Variants in PDZD2 observed in about 807,000 individuals in gnomAD.
The protein encoded by PDZD2 is PDZ domain-containing protein 2.
In PDZD2, 90 loss-of-function variants were observed where a neutral mutation model predicts 220.7. That is an observed-to-expected ratio of 0.41 (90% CI 0.34 to 0.49). PDZD2 has a LOEUF of 0.49. PDZD2 is among the 20% of genes least tolerant of loss of function. PDZD2 has a pLI of 0.28. For synonymous variants in PDZD2, 1,375 were observed against 1,450.5 expected, an observed-to-expected ratio of 0.95 and a Z score of 1.18; for missense variants, 3,174 against 3,608.5, an observed-to-expected ratio of 0.88 and a Z score of 3.08.
At chr5:31,906,461 C>G (rs1327284032) in intron 2 of PDZD2, among the ~76,000 whole-genome samples, 1 of 151,818 alleles carries the variant, frequency 6.6e-6, no homozygotes, top group Non-Finnish European at 1.5e-5. Context: ...CAGCCCGTCT[C>G]AGCCTCCCAT....
chr5:31,666,513 A>G (rs1745993026), intron 1 of PDZD2, among the ~76,000 whole-genome samples: 1 of 152,230 alleles, frequency 6.6e-6, no homozygotes, highest in African/African-American at 2.4e-5. Context: ...CTGCATTTAC[A>G]AGGCGATGGT....
intron 1 of PDZD2, among the ~76,000 whole-genome samples, chr5:31,796,769 T>C (rs1012330308): frequency 3.9e-5 from 6 of 152,204 alleles, no homozygotes; most frequent in Admixed American, 2.0e-4. Flanking sequence ...AAGGACTTGA[T>C]AAATGTTCGA....
At chr5:31,915,601 T>C (rs1270570526) in intron 2 of PDZD2, among the ~76,000 whole-genome samples, 1 of 152,168 alleles carries the variant, frequency 6.6e-6, no homozygotes, top group East Asian at 1.9e-4. Context: ...TTGCTCTATA[T>C]ACAGGCCAGA....
intron 1 of PDZD2, among the ~76,000 whole-genome samples, chr5:31,723,583 G>C (rs1161283896): frequency 1.3e-5 from 2 of 151,920 alleles, no homozygotes; most frequent in African/African-American, 4.8e-5. Context: ...TGAGAGTGTT[G>C]TCTTTCAACT....
intron 1 of PDZD2, among the ~76,000 whole-genome samples, chr5:31,667,024 C>A (rs186269761): frequency 3.9e-5 from 6 of 152,096 alleles, no homozygotes; most frequent in African/African-American, 9.6e-5. Flanking sequence ...ATCACGAGGT[C>A]AGGAGATCGA....
chr5:31,983,146 C>A lies in PDZD2; in HGVS notation c.477-9C>A. ...GGGGTTCTAACTGGCACCTCTCTGT[C>A]TGTTGCAGTTACCTGGCTGAGCAGT... is the stretch of plus-strand genomic sequence containing the variant. On this transcript the variant is annotated splice_polypyrimidine_tract_variant and intron_variant, in intron 2 of 24. Transcript: ENST00000438447. The A allele has an allele frequency of 6.2e-7, 1 of 1,608,414 alleles. No homozygotes were observed. Among genetic ancestry groups the A allele is most frequent in the East Asian group, 2.2e-5 (1 of 44,820 alleles).
intron 5 of PDZD2, among the ~76,000 whole-genome samples, chr5:32,008,136 A>AAATAAAT: frequency 6.9e-6 from 1 of 143,904 alleles, no homozygotes; most frequent in Non-Finnish European, 1.5e-5. Flanking sequence ...TAAAATAATA[A>AAATAAAT]AAATAAATAA....
chr5:31,689,353 A>ATATATATATATATATATTTTT, intron 1 of PDZD2, among the ~76,000 whole-genome samples: 1 of 35,118 alleles, frequency 2.8e-5, no homozygotes, highest in African/African-American at 2.1e-4. Flanking sequence ...ATATATATAT[A>ATATATATATATATATATTTTT]TTTTTTTTTT....
intron 1 of PDZD2, among the ~76,000 whole-genome samples, chr5:31,702,512 T>G (rs1351723209): frequency 6.6e-6 from 1 of 152,306 alleles, no homozygotes; most frequent in Non-Finnish European, 1.5e-5. Flanking sequence ...AAGTCGGCCT[T>G]CCAGACCTCA....
chr5:31,699,034 G>C (rs1432924758), intron 1 of PDZD2, among the ~76,000 whole-genome samples: 1 of 152,182 alleles, frequency 6.6e-6, no homozygotes, highest in Non-Finnish European at 1.5e-5. Flanking sequence ...GGACAAGGCT[G>C]CTAGTTTTCC....
intron 21 of PDZD2, among the ~76,000 whole-genome samples, chr5:32,096,934 T>C (rs879807721): frequency 6.7e-6 from 1 of 148,722 alleles, no homozygotes; most frequent in Non-Finnish European, 1.5e-5. Flanking sequence ...CTTCCGGGCT[T>C]AGGTAATCCT....
At chr5:31,689,353 A>ATATATATTTTTT in intron 1 of PDZD2, among the ~76,000 whole-genome samples, 1,133 of 35,052 alleles carry the variant, frequency 0.032, 90 homozygotes, top group East Asian at 0.096. Flanking sequence ...ATATATATAT[A>ATATATATTTTTT]TTTTTTTTTT....
At chr5:31,719,456 C>G in intron 1 of PDZD2, among the ~76,000 whole-genome samples, 1 of 152,172 alleles carries the variant, frequency 6.6e-6, no homozygotes, top group East Asian at 1.9e-4. Context: ...AAAACAGTAG[C>G]AGGTGCCAGA....
At chr5:31,936,790 G>A (rs60475963) in intron 2 of PDZD2, among the ~76,000 whole-genome samples, 4,309 of 152,272 alleles carry the variant, frequency 0.028, 199 homozygotes, top group African/African-American at 0.099. Flanking sequence ...TAAGAAAGGA[G>A]GTGGATGTAT....
intron 2 of PDZD2, among the ~76,000 whole-genome samples, chr5:31,832,149 T>G (rs1756636670): frequency 6.6e-6 from 1 of 152,202 alleles, no homozygotes; most frequent in Non-Finnish European, 1.5e-5. Context: ...CACCTTGGCC[T>G]CCCAAAGTGT....
chr5:31,722,799 C>G (rs1228827117), intron 1 of PDZD2, among the ~76,000 whole-genome samples: 1 of 151,962 alleles, frequency 6.6e-6, no homozygotes, highest in Non-Finnish European at 1.5e-5. Context: ...AAGCGATTCT[C>G]CTGCTCAGCT....
chr5:31,998,154 G>T (rs1751791389), intron 4 of PDZD2, among the ~76,000 whole-genome samples: 1 of 152,138 alleles, frequency 6.6e-6, no homozygotes, highest in South Asian at 2.1e-4. Flanking sequence ...CAGGACACTG[G>T]TCTGAACCAT....
At chr5:31,791,654 T>G (rs1227163379) in intron 1 of PDZD2, among the ~76,000 whole-genome samples, 3 of 151,820 alleles carry the variant, frequency 2.0e-5, no homozygotes, top group Non-Finnish European at 4.4e-5. Context: ...TTCTAAATTT[T>G]TCTTACCATT....
chr5:32,089,518 G>A lies in PDZD2; in HGVS notation c.6070G>A (p.Ala2024Thr), dbSNP rs1464508714. Reference sequence around the variant, plus strand: ...CACCCCTAAATCTCCTAAGTGTAGAGCAGAGGGCAGGGCGCCCCGTGCTGA... The same window carrying A: ...CACCCCTAAATCTCCTAAGTGTAGAACAGAGGGCAGGGCGCCCCGTGCTGA... ...PTTPKSPKCR[A>T]EGRAPRADSG... The change falls in exon 20 of 25, where the codon GCA becomes ACA. Residue 2024 changes from alanine (A) to threonine (T), a missense_variant. By Grantham distance (58) the Ala-to-Thr change is moderately conservative. Transcript: ENST00000438447. 6.3e-7 allele frequency: 1 copy of A among 1,591,244 alleles called. No individual in the cohort carries two copies. The highest frequency in any genetic ancestry group is 1.1e-5 in the South Asian group (1 of 88,048).
Sources: allele counts gnomAD v4.1 joint callset (sites outside exome capture counted in the v4.1 genomes callset), GRCh38; gene constraint gnomAD v4.1.1; transcripts MANE v1.5; gene names NCBI Gene and HGNC (gene_info 2026-07-23, HGNC 2026-07-21).